Variants in TBX5 observed in about 807,000 individuals in gnomAD.
TBX5 encodes T-box transcription factor TBX5.
A neutral mutation model predicts 51.1 loss-of-function variants in TBX5; 8 were observed. That is an observed-to-expected ratio of 0.16 (90% confidence interval 0.09 to 0.28). TBX5 has a LOEUF of 0.28. Among genes scored for constraint, TBX5 ranks in the 10% least tolerant of loss-of-function variants. The probability of loss-of-function intolerance (pLI) is 1.00; values close to 1 mark genes in which losing one functional copy is unlikely to be tolerated. For synonymous variants in TBX5, 302 were observed against 266.4 expected, an observed-to-expected ratio of 1.13 and a Z score of -1.30; for missense variants, 589 against 671.7, an observed-to-expected ratio of 0.88 and a Z score of 1.36.
At chr12:114,356,356 G>A (rs1027685582) in intron 8 of TBX5, among the ~76,000 whole-genome samples, 2 of 152,178 alleles carry the variant, frequency 1.3e-5, no homozygotes, top group African/African-American at 4.8e-5. Flanking sequence ...GTAGGAAATA[G>A]CACTTCCTAC....
chr12:114,361,350 C>CT (rs1869228811), intron 8 of TBX5, among the ~76,000 whole-genome samples: 1 of 152,212 alleles, frequency 6.6e-6, no homozygotes, highest in Non-Finnish European at 1.5e-5. Flanking sequence ...CTCTCAATCT[C>CT]TAACTTTCCT....
chr12:114,379,701 G>A (rs551443481), intron 7 of TBX5, among the ~76,000 whole-genome samples: 15 of 152,318 alleles, frequency 9.8e-5, no homozygotes, highest in East Asian at 7.7e-4. Flanking sequence ...GCTGCTCAGC[G>A]CGGCAGCCTG....
At position 114,355,305 on chromosome 12, in the gene TBX5, G is replaced by T. The variant is rs1868812247; in HGVS notation, c.*227C>A. On this transcript the variant is annotated 3_prime_UTR_variant, in exon 9 of 9. Transcript: ENST00000405440. ...GGGTGGGACTCATCTTTTTGTGTTT[G>T]TTTTTTTAAGTTTTGAGACAAAACA... The T allele has an allele frequency of 1.5e-6, 1 of 647,580 alleles. No homozygotes were observed. The highest frequency in any genetic ancestry group is 2.8e-6 in the Non-Finnish European group (1 of 359,876). The allele number at this position is 647,580 out of a possible 1,614,324, so 40.1% of individuals were successfully genotyped here. A position where few individuals can be genotyped will look rare whatever the true frequency, so the allele number is the denominator to read the frequency against.
intron 8 of TBX5, among the ~76,000 whole-genome samples, chr12:114,365,514 G>T: frequency 6.6e-6 from 1 of 152,124 alleles, no homozygotes; most frequent in East Asian, 1.9e-4. Flanking sequence ...CATACAGTGT[G>T]ATTTCATCTA....
chr12:114,388,436 C>T (rs1030618079), intron 6 of TBX5, among the ~76,000 whole-genome samples: 5 of 151,960 alleles, frequency 3.3e-5, no homozygotes, highest in African/African-American at 4.8e-5. Flanking sequence ...GGATTACAGG[C>T]GTGAGCCACC....
intron 7 of TBX5, 31 bp downstream of exon 7, chr12:114,385,445 G>A (rs1366949991): frequency 6.2e-7 from 1 of 1,600,356 alleles, no homozygotes; most frequent in South Asian, 1.1e-5. Flanking sequence ...GGTATGTGGG[G>A]AGGAGAAAGT....
At chr12:114,364,333 A>G (rs1895585) in intron 8 of TBX5, among the ~76,000 whole-genome samples, 107,229 of 152,046 alleles carry the variant, frequency 0.71, 38,256 homozygotes, top group East Asian at 0.77. Context: ...GATTAAAATT[A>G]GTGTCTTTTA....
chr12:114,372,975 T>TACACACACAC (rs895464817), intron 7 of TBX5, among the ~76,000 whole-genome samples: 1 of 112,008 alleles, frequency 8.9e-6, no homozygotes, highest in Non-Finnish European at 1.8e-5. Context: ...AGCGAATATA[T>TACACACACAC]ATACATACAC....
In TBX5 at chr12:114,385,573, G is replaced by C; in HGVS notation, c.664-6C>G. 2 of 1,613,076 alleles carry C rather than the reference G, an allele frequency of 1.2e-6. No individual in the cohort carries two copies. The highest frequency in any genetic ancestry group is 1.6e-4 in the Middle Eastern group (1 of 6,062). ...TCAATCTTTAATTGCGTGATCTGAA[G>C]GAAAGAGGAAGAGAGAACAAGCTGG... On this transcript the variant is annotated splice_region_variant and splice_polypyrimidine_tract_variant and intron_variant, in intron 6 of 8. Coordinates refer to ENST00000405440, the MANE Select transcript of TBX5 (RefSeq NM_181486.4).
intron 7 of TBX5, among the ~76,000 whole-genome samples, chr12:114,374,019 G>A (rs1390352726): frequency 6.6e-6 from 1 of 152,210 alleles, no homozygotes; most frequent in Non-Finnish European, 1.5e-5. Context: ...ATTGCCTTGG[G>A]GCATCCTTTG....
rs1479321329 is a variant in TBX5, at chr12:114,355,268, G to A, written c.*264C>T. 16 of 522,008 alleles carry A rather than the reference G, an allele frequency of 3.1e-5. No individual in the cohort carries two copies. The highest frequency in any genetic ancestry group is 5.4e-5 in the Non-Finnish European group (15 of 279,616). 32.3% of individuals were successfully genotyped at this position (522,008 alleles called of 1,614,324 possible). ...GTGAATGTGGCTGGTTGATGGGTGT[G>A]GTGGTAGTGGGGGGTGGGACTCATC... On this transcript the variant is annotated 3_prime_UTR_variant, in exon 9 of 9. Transcript: ENST00000405440.
At chr12:114,370,288 G>C (rs4576869) in intron 7 of TBX5, among the ~76,000 whole-genome samples, 7,271 of 56,448 alleles carry the variant, frequency 0.13, 638 homozygotes, top group East Asian at 0.56. Context: ...GAAAAGAAAA[G>C]AAAGAAAAGA....
rs567631888 is a variant in TBX5, at chr12:114,403,480, C to T, written c.147+272G>A. ...AAACGGCCGGATAATTGAGATTTCT[C>T]GAACAATTTAAATAGATTTCAAAAA... On this transcript the variant is annotated intron_variant, in intron 2 of 8. Coordinates refer to ENST00000405440, the MANE Select transcript of TBX5 (RefSeq NM_181486.4). 1.2e-4 allele frequency among the ~76,000 whole-genome samples: 18 copies of T among 152,164 alleles called. No individual in the cohort carries two copies. In the Middle Eastern group the frequency reaches 0.01, roughly 86 times the overall value.
chr12:114,379,719 G>T (rs1242652543), intron 7 of TBX5, among the ~76,000 whole-genome samples: 1 of 152,208 alleles, frequency 6.6e-6, no homozygotes, highest in Non-Finnish European at 1.5e-5. Context: ...CTGGACCCCA[G>T]CTCCTGGGCC....
intron 3 of TBX5, 142 bp downstream of exon 3, chr12:114,401,684 C>A: frequency 1.4e-6 from 1 of 725,066 alleles, no homozygotes; most frequent in Admixed American, 2.1e-5. Flanking sequence ...TCTCTCTCTC[C>A]TCTCCTCTCC....
intron 8 of TBX5, among the ~76,000 whole-genome samples, chr12:114,360,750 G>A (rs1008959401): frequency 1.3e-5 from 2 of 150,214 alleles, no homozygotes; most frequent in Non-Finnish European, 3.0e-5. Flanking sequence ...TGAATGGTGG[G>A]TGGATGGATT....
At chr12:114,399,387 C>T in intron 4 of TBX5, 126 bp downstream of exon 4, 3 of 1,356,636 alleles carry the variant, frequency 2.2e-6, no homozygotes, top group Non-Finnish European at 3.1e-6. Flanking sequence ...GATAGGCGGA[C>T]AGACGCCTTT....
intron 3 of TBX5, among the ~76,000 whole-genome samples, chr12:114,400,876 G>C (rs1043372903): frequency 6.6e-6 from 1 of 152,200 alleles, no homozygotes; most frequent in African/African-American, 2.4e-5. Context: ...TTTATTGAGG[G>C]AGGCTTCGGC....
At chr12:114,372,752 AT>A (rs1869982747) in intron 7 of TBX5, among the ~76,000 whole-genome samples, 1 of 152,054 alleles carries the variant, frequency 6.6e-6, no homozygotes, top group Non-Finnish European at 1.5e-5. Context: ...AAATCTGTAG[AT>A]AATATAGTAT....
Sources: gnomAD v4.1 joint callset for allele counts (sites outside exome capture counted in the v4.1 genomes callset) on GRCh38, gnomAD v4.1.1 for gene constraint, MANE v1.5 for transcripts, NCBI Gene and HGNC (gene_info 2026-07-23, HGNC 2026-07-21) for gene names.